The following PLCG2 variants were observed in gnomAD, a reference collection of about 807,000 sequenced individuals.
The protein encoded by PLCG2 is phospholipase C gamma 2, also known as 1-phosphatidylinositol 4,5-bisphosphate phosphodiesterase gamma-2.
Under a neutral mutation model 175.6 loss-of-function variants are expected in PLCG2, and 69 were observed. The ratio of observed to expected loss-of-function variants is 0.39; its 90% CI spans 0.32 to 0.48. The LOEUF is 0.48. Among genes scored for constraint, PLCG2 ranks in the 20% least tolerant of loss-of-function variants. PLCG2 has a pLI of 0.91. For missense variants in PLCG2, 1,798 were observed against 1,650.9 expected, an observed-to-expected ratio of 1.09 and a Z score of -1.54; for synonymous variants, 827 against 624.0, an observed-to-expected ratio of 1.33 and a Z score of -4.85.
chr16:81,907,674 T>C lies in PLCG2; in HGVS notation c.1468-11T>C. ...GACTTGGGGGGCACTAATACCAGTT[T>C]CACTTTCTAGAAATGGACTCGGCAC... On this transcript the variant is annotated splice_polypyrimidine_tract_variant and intron_variant, in intron 15 of 32. Transcript: ENST00000564138. 2 of 1,608,976 alleles carry C rather than the reference T, an allele frequency of 1.2e-6. No individual in the cohort carries two copies. The highest frequency in any genetic ancestry group is 1.7e-6 in the Non-Finnish European group (2 of 1,175,336).
chr16:81,904,983 GT>G (rs1483090153), intron 14 of PLCG2, among the ~76,000 whole-genome samples: 1 of 152,172 alleles, frequency 6.6e-6, no homozygotes, highest in Non-Finnish European at 1.5e-5. Context: ...CACTTCCCAG[GT>G]TCAAGCAATC....
intron 5 of PLCG2, among the ~76,000 whole-genome samples, chr16:81,861,227 T>C (rs1399422029): frequency 6.6e-6 from 1 of 152,228 alleles, no homozygotes; most frequent in African/African-American, 2.4e-5. Flanking sequence ...CATTATCCTA[T>C]GTGGATATGT....
intron 25 of PLCG2, 35 bp from the exon 26 acceptor site, chr16:81,934,394 G>A (rs377698876): frequency 1.0e-4 from 137 of 1,328,306 alleles, no homozygotes; most frequent in Non-Finnish European, 1.3e-4. Context: ...GGGATTTCTC[G>A]GGGGCGGGCA....
intron 31 of PLCG2, among the ~76,000 whole-genome samples, chr16:81,952,122 G>C (rs1185569031): frequency 6.6e-6 from 1 of 151,850 alleles, no homozygotes; most frequent in African/African-American, 2.4e-5. Context: ...TAAAGGTACA[G>C]AACTTATATA....
intron 2 of PLCG2, chr16:81,766,619 A>G (rs922337932): frequency 6.6e-6 from 1 of 152,376 alleles, no homozygotes; most frequent in African/African-American, 2.4e-5. Flanking sequence ...CCCACTGGAA[A>G]TGATCTTGTT....
rs766477459 is a variant in PLCG2, at chr16:81,959,317, G to C, written c.*1319G>C. ...CTTGTTACCCGAAATGCTGGGCTTA[G>C]TATGCATGTACTGCTGAAAAGCAGG... is the stretch of plus-strand genomic sequence containing the variant. On this transcript the variant is annotated 3_prime_UTR_variant, in exon 33 of 33. Coordinates refer to ENST00000564138, the MANE Select transcript of PLCG2 (RefSeq NM_002661.5). The C allele has an allele frequency of 4.5e-6, 1 of 223,068 alleles. No homozygotes were observed. The highest frequency in any genetic ancestry group is 9.0e-6 in the Non-Finnish European group (1 of 111,708). 13.8% of individuals were successfully genotyped at this position (223,068 alleles called of 1,614,324 possible).
At chr16:81,956,501 C>T (rs1468122911) in intron 31 of PLCG2, among the ~76,000 whole-genome samples, 194 bp from the exon 32 acceptor site, 5 of 152,194 alleles carry the variant, frequency 3.3e-5, no homozygotes, top group Non-Finnish European at 7.3e-5. Context: ...TTTTAAACTG[C>T]TTGCTTCCCA....
Position 81,900,579 on chromosome 16 carries a change from C to G in PLCG2, c.1194-33C>G, listed in dbSNP as rs761265828. 1.1e-5 allele frequency: 17 copies of G among 1,559,534 alleles called. No individual in the cohort carries two copies. In the South Asian group the frequency reaches 2.0e-4, roughly 18 times the overall value. On this transcript the variant is annotated intron_variant, in intron 13 of 32. Coordinates refer to ENST00000564138, the MANE Select transcript of PLCG2 (RefSeq NM_002661.5). ...GGCAGATGCAGAGGTGTGTGCTCCC[C>G]CTGCCGAGCTGCCCACCCTCTTCTG... is the stretch of plus-strand genomic sequence containing the variant.
At chr16:81,873,189 T>C (rs1470656421) in intron 7 of PLCG2, among the ~76,000 whole-genome samples, 1 of 152,202 alleles carries the variant, frequency 6.6e-6, no homozygotes, top group Non-Finnish European at 1.5e-5. Flanking sequence ...CCAAGTAATG[T>C]TGGGGGAAGC....
chr16:81,938,387 G>C, intron 28 of PLCG2: 1 of 203,990 alleles, frequency 4.9e-6, no homozygotes, highest in Non-Finnish European at 9.9e-6. Flanking sequence ...CGGGTGGTAG[G>C]GGGAAGAAGC....
intron 29 of PLCG2, 142 bp from the exon 30 acceptor site, chr16:81,939,750 T>A: frequency 1.7e-6 from 1 of 598,708 alleles, no homozygotes; most frequent in Non-Finnish European, 3.0e-6. Flanking sequence ...AGATAATTAT[T>A]CAGATTTTCT....
intron 2 of PLCG2, among the ~76,000 whole-genome samples, chr16:81,805,500 G>GAAAA: frequency 1.8e-5 from 1 of 54,240 alleles, no homozygotes. Flanking sequence ...CTCCATCTCA[G>GAAAA]AAAAAAAAAA....
chr16:81,754,168 C>G (rs1909871011), intron 1 of PLCG2, among the ~76,000 whole-genome samples: 1 of 151,908 alleles, frequency 6.6e-6, no homozygotes, highest in South Asian at 2.1e-4. Flanking sequence ...CCATCTCCAT[C>G]TCCGTCTCCA....
chr16:81,882,676 C>T (rs932554705), intron 8 of PLCG2, among the ~76,000 whole-genome samples: 5 of 151,736 alleles, frequency 3.3e-5, no homozygotes, highest in African/African-American at 9.7e-5. Flanking sequence ...CTTTTTTCCT[C>T]GAGGCCGCTG....
intron 5 of PLCG2, among the ~76,000 whole-genome samples, chr16:81,867,409 G>T (rs1435752906): frequency 6.6e-6 from 1 of 152,184 alleles, no homozygotes; most frequent in Non-Finnish European, 1.5e-5. Flanking sequence ...TCGCTTGGAG[G>T]CAGTCAGGTG....
chr16:81,886,867 C>A (rs142205534), intron 9 of PLCG2, among the ~76,000 whole-genome samples: 1 of 152,254 alleles, frequency 6.6e-6, no homozygotes, highest in African/African-American at 2.4e-5. Context: ...TTATTTTCAT[C>A]CTTATTCTTT....
chr16:81,929,894 C>G (rs113073324), intron 24 of PLCG2, among the ~76,000 whole-genome samples: 1 of 152,238 alleles, frequency 6.6e-6, no homozygotes, highest in Non-Finnish European at 1.5e-5. Context: ...TCATCTTCCC[C>G]CATCCCTGTA....
In PLCG2 at chr16:81,871,823, T is replaced by A. The variant is rs76230660; in HGVS notation, c.648+888T>A. ...GGATTGTTTATTGCAGCATTACTTA[T>A]GCTGGCAAAGTACCTGGGCACCATC... On this transcript the variant is annotated intron_variant, in intron 7 of 32. Coordinates refer to ENST00000564138, the MANE Select transcript of PLCG2 (RefSeq NM_002661.5). 8.9e-3 allele frequency among the ~76,000 whole-genome samples: 1,336 copies of A among 150,334 alleles called. 10 individuals are homozygous for A. The highest frequency in any genetic ancestry group is 0.041 in the Middle Eastern group (12 of 290).
chr16:81,796,358 C>G (rs1330298199), intron 2 of PLCG2, among the ~76,000 whole-genome samples: 2 of 152,190 alleles, frequency 1.3e-5, no homozygotes, highest in Non-Finnish European at 2.9e-5. Flanking sequence ...GAGAGGCCTC[C>G]TATGGGCCAT....
Sources: gnomAD v4.1 joint callset for allele counts (sites outside exome capture counted in the v4.1 genomes callset) on GRCh38, gnomAD v4.1.1 for gene constraint, MANE v1.5 for transcripts, NCBI Gene and HGNC (gene_info 2026-07-23, HGNC 2026-07-21) for gene names.